CAST: variants seen among roughly 807,000 people sequenced by gnomAD.
The protein encoded by CAST is calpastatin, also known as MIR583 host.
Under a neutral mutation model 119.6 loss-of-function variants are expected in CAST, and 76 were observed. The ratio of observed to expected loss-of-function variants is 0.64; its 90% CI spans 0.53 to 0.77. The LOEUF (loss-of-function observed/expected upper bound fraction) is 0.77. Among genes scored for constraint, CAST ranks in the 30% least tolerant of loss-of-function variants. CAST has a pLI of 0.00. For missense variants in CAST, 953 were observed against 946.5 expected (o/e 1.01, Z -0.09); for synonymous variants, 319 against 331.6 (o/e 0.96, Z 0.41).
At chr5:96,093,929 A>C in the CAST span, among the ~76,000 whole-genome samples, 1 of 152,198 alleles carries the variant, frequency 6.6e-6, no homozygotes, top group African/African-American at 2.4e-5. Flanking sequence ...TGCAAAGATT[A>C]GAGTTTGAGC....
the CAST span, among the ~76,000 whole-genome samples, chr5:96,422,212 C>G: frequency 6.6e-6 from 1 of 152,062 alleles, no homozygotes; most frequent in African/African-American, 2.4e-5. Flanking sequence ...TTCACAGGCA[C>G]TCATGGGATA....
the CAST span, among the ~76,000 whole-genome samples, chr5:96,401,283 G>T: frequency 2.0e-5 from 3 of 152,128 alleles, no homozygotes; most frequent in Admixed American, 2.0e-4. Flanking sequence ...CTTTGACAGG[G>T]GGTAGAGTGT....
At chr5:96,154,432 C>T in the CAST span, among the ~76,000 whole-genome samples, 2 of 152,064 alleles carry the variant, frequency 1.3e-5, no homozygotes, top group African/African-American at 2.4e-5. Flanking sequence ...TAAGATAGTA[C>T]AGAGAGTTCC....
At chr5:96,017,567 A>G in the CAST span, among the ~76,000 whole-genome samples, 5 of 152,328 alleles carry the variant, frequency 3.3e-5, no homozygotes, top group African/African-American at 1.2e-4. Context: ...GTCCTCAGAC[A>G]TATGGCTGAT....
the CAST span, among the ~76,000 whole-genome samples, chr5:96,431,279 A>G: frequency 2.0e-5 from 3 of 152,142 alleles, no homozygotes; most frequent in South Asian, 2.1e-4. Context: ...GCTGTTTTCT[A>G]TGCCTAGACT....
At chr5:96,278,826 A>G in the CAST span, 2 of 152,334 alleles carry the variant, frequency 1.3e-5, no homozygotes, top group Middle Eastern at 3.4e-3. Flanking sequence ...TGCCACACAC[A>G]TGCAGTTACA....
chr5:96,292,753 C>T, the CAST span, among the ~76,000 whole-genome samples: 1 of 152,146 alleles, frequency 6.6e-6, no homozygotes, highest in Non-Finnish European at 1.5e-5. Flanking sequence ...CTGCCCACTG[C>T]GTCACAAGGA....
At chr5:96,179,896 G>A in the CAST span, among the ~76,000 whole-genome samples, 1 of 152,106 alleles carries the variant, frequency 6.6e-6, no homozygotes, top group African/African-American at 2.4e-5. Context: ...AATTAGCCAG[G>A]CGTGGTGGCG....
chr5:96,617,879 T>A (rs951834030), intron 1 of CAST, among the ~76,000 whole-genome samples: 1 of 150,626 alleles, frequency 6.6e-6, no homozygotes, highest in African/African-American at 2.4e-5. Context: ...GTTATTCTAA[T>A]TTTTTAAGCA....
intron 8 of CAST, among the ~76,000 whole-genome samples, chr5:96,730,349 A>G (rs543147977): frequency 1.3e-5 from 2 of 152,336 alleles, no homozygotes; most frequent in South Asian, 2.1e-4. Flanking sequence ...TGCCACATGT[A>G]TATTTTGTTT....
At chr5:96,328,382 C>CTCTCTCT in the CAST span, among the ~76,000 whole-genome samples, 180 of 18,960 alleles carry the variant, frequency 9.5e-3, 36 homozygotes, top group Non-Finnish European at 0.013. Context: ...CTTCTCTCTC[C>CTCTCTCT]CTCTCTCTCT....
At chr5:96,485,691 G>T in the CAST span, among the ~76,000 whole-genome samples, 1 of 152,118 alleles carries the variant, frequency 6.6e-6, no homozygotes, top group Admixed American at 6.6e-5. Context: ...AGTCATATCA[G>T]CTGTTTAATT....
the CAST span, among the ~76,000 whole-genome samples, chr5:96,482,678 G>A: frequency 6.6e-6 from 1 of 152,058 alleles, no homozygotes; most frequent in African/African-American, 2.4e-5. Context: ...TTCCTGTCTG[G>A]TCATAGGATA....
intron 1 of CAST, among the ~76,000 whole-genome samples, chr5:96,622,432 A>C (rs191471273): frequency 1.3e-5 from 2 of 152,316 alleles, no homozygotes; most frequent in African/African-American, 4.8e-5. Context: ...CTGGCTCCAG[A>C]CACTAAGGGA....
the CAST span, among the ~76,000 whole-genome samples, chr5:96,245,246 C>T: frequency 6.6e-5 from 10 of 152,036 alleles, no homozygotes; most frequent in Non-Finnish European, 1.2e-4. Context: ...GATAGAGTCC[C>T]GAATATATCA....
the CAST span, chr5:96,379,630 G>A: frequency 1.3e-5 from 2 of 152,170 alleles, no homozygotes; most frequent in African/African-American, 2.4e-5. Flanking sequence ...AGGACTGGGA[G>A]TTAACAGAAG....
the CAST span, among the ~76,000 whole-genome samples, chr5:96,428,351 A>G: frequency 6.6e-6 from 1 of 152,180 alleles, no homozygotes. Flanking sequence ...TAGGTAACAA[A>G]AATTATGTAC....
At chr5:96,014,413 G>C in the CAST span, among the ~76,000 whole-genome samples, 1 of 152,002 alleles carries the variant, frequency 6.6e-6, no homozygotes, top group Admixed American at 6.6e-5. Flanking sequence ...CTCTAAAATA[G>C]TGATGAAAAG....
At chr5:96,669,298 T>A (rs1311092190) in intron 1 of CAST, among the ~76,000 whole-genome samples, 2 of 152,204 alleles carry the variant, frequency 1.3e-5, no homozygotes, top group African/African-American at 2.4e-5. Flanking sequence ...TTGTGGGAAA[T>A]ACCAATTTGC....
Sources: gnomAD v4.1 joint callset for allele counts (sites outside exome capture counted in the v4.1 genomes callset) on GRCh38, gnomAD v4.1.1 for gene constraint, MANE v1.5 for transcripts, NCBI Gene and HGNC (gene_info 2026-07-23, HGNC 2026-07-21) for gene names.